Variants in SLC35A3 observed in about 807,000 individuals in gnomAD.
SLC35A3 encodes solute carrier family 35 member A3, also known as UDP-N-acetylglucosamine transporter.
In SLC35A3, 26 loss-of-function variants were observed where a neutral mutation model predicts 39.0. That is an observed-to-expected ratio of 0.67 (90% CI 0.49 to 0.92). The LOEUF (loss-of-function observed/expected upper bound fraction) is 0.92, where lower values mean the gene tolerates loss of function less well. Ranked by LOEUF, SLC35A3 falls within the 40% of genes least tolerant of loss-of-function variation. SLC35A3 has a pLI of 0.00. For missense variants in SLC35A3, 299 were observed against 371.6 expected, an observed-to-expected ratio of 0.80 and a Z score of 1.61; for synonymous variants, 135 against 133.1, an observed-to-expected ratio of 1.01 and a Z score of -0.10.
At chr1:99,974,536 G>T (rs1312587420) in intron 1 of SLC35A3, among the ~76,000 whole-genome samples, 1 of 151,942 alleles carries the variant, frequency 6.6e-6, no homozygotes, top group Non-Finnish European at 1.5e-5. Context: ...TATTATGTTG[G>T]CTTGGCTGGT....
In SLC35A3 at chr1:100,026,048, A is replaced by AT. The variant is rs1210640439; in HGVS notation, c.*3573dup. The AT allele has an allele frequency of 6.6e-6, 1 of 152,180 alleles. No homozygotes were observed. The highest frequency in any genetic ancestry group is 1.5e-5 in the Non-Finnish European group (1 of 67,992). The allele number at this position is 152,180 out of a possible 1,614,324, so 9.4% of individuals were successfully genotyped here. On this transcript the variant is annotated 3_prime_UTR_variant, in exon 8 of 8. Transcript: ENST00000533028. Reference sequence around the variant, plus strand: ...AAATGTTTACATCAATTTATATTGAATGTCACATAATTTCATGGAAGGAAA... The same window carrying AT: ...AAATGTTTACATCAATTTATATTGAATTGTCACATAATTTCATGGAAGGAAA...
At chr1:100,013,822 A>G (rs1659857619) in intron 5 of SLC35A3, among the ~76,000 whole-genome samples, 2 of 152,144 alleles carry the variant, frequency 1.3e-5, no homozygotes, top group Non-Finnish European at 2.9e-5. Flanking sequence ...GCTGACTTAA[A>G]TGGAATTTTA....
chr1:100,015,404 T>C lies in SLC35A3; in HGVS notation c.737T>C (p.Ile246Thr). ...FFQGYNRLTW[I>T]VVVLQALGGL... ...CAGGGATATAACCGACTGACCTGGA[T>C]AGTAGTTGTTCTTCAGGTAAAGCAT... Residue 246 changes from isoleucine (I) to threonine (T), a missense_variant, in exon 6 of 8, where the codon ATA becomes ACA. By Grantham distance (89) the Ile-to-Thr change is moderately conservative (BLOSUM62 -1). Transcript: ENST00000533028. 6.2e-7 allele frequency: 1 copy of C among 1,607,126 alleles called. No homozygotes were observed. The highest frequency in any genetic ancestry group is 8.5e-7 in the Non-Finnish European group (1 of 1,178,100).
At chr1:99,997,235 C>G (rs1486274139) in intron 2 of SLC35A3, among the ~76,000 whole-genome samples, 1 of 151,510 alleles carries the variant, frequency 6.6e-6, no homozygotes, top group Non-Finnish European at 1.5e-5. Context: ...TCAATGAGAA[C>G]CAAGAAGATA....
rs3820158 is a variant in SLC35A3 at position 100,018,860 on chromosome 1, A to G, written c.887+1045A>G. Among the ~76,000 whole-genome samples the G allele has an allele frequency of 5.3e-5, 8 of 152,322 alleles. No homozygotes were observed. In the East Asian group the frequency reaches 1.3e-3, roughly 26 times the overall value. On this transcript the variant is annotated intron_variant, in intron 7 of 7. Transcript: ENST00000533028. ...ATATAATATCCTTTTTATATTTTTT[A>G]TATTGAACATTGACGGTTTTAATTC...
chr1:99,988,949 C>T lies in SLC35A3; in HGVS notation c.-18-4588C>T, dbSNP rs187714452. 8.4e-4 allele frequency among the ~76,000 whole-genome samples: 128 copies of T among 151,948 alleles called. 1 individual carries two copies. Among genetic ancestry groups the T allele is most frequent in the African/African-American group, 2.8e-3 (117 of 41,466 alleles). ...ACCCAGCTAATTATTTTTGTAGAGA[C>T]GGGATCTCAATATGTTGCCCAGGCT... On this transcript the variant is annotated intron_variant, in intron 1 of 7. Coordinates refer to ENST00000533028, the MANE Select transcript of SLC35A3 (RefSeq NM_012243.3).
rs1659270731 is a variant in SLC35A3 at position 100,006,907 on chromosome 1, C to T, written c.343-127C>T. ...TGGCATTAACTGAAGCTTTAGATTC[C>T]AGTTCCCAGCCAGATGCAACCACCA... On this transcript the variant is annotated intron_variant, in intron 3 of 7. Coordinates refer to ENST00000533028, the MANE Select transcript of SLC35A3 (RefSeq NM_012243.3). 4.6e-6 allele frequency: 5 copies of T among 1,097,214 alleles called. No homozygotes were observed. In the South Asian group the frequency reaches 9.3e-5, roughly 20 times the overall value. The allele number at this position is 1,097,214 out of a possible 1,614,324, so 68.0% of individuals were successfully genotyped here.
chr1:100,016,317 A>C (rs1264500089), intron 6 of SLC35A3, among the ~76,000 whole-genome samples: 1 of 145,750 alleles, frequency 6.9e-6, no homozygotes, highest in Non-Finnish European at 1.5e-5. Context: ...ACCCACCTTG[A>C]CCTCCCAAAG....
chr1:100,005,027 G>A (rs1404587542), intron 3 of SLC35A3, among the ~76,000 whole-genome samples: 2 of 152,202 alleles, frequency 1.3e-5, no homozygotes, highest in African/African-American at 4.8e-5. Flanking sequence ...AAAATGCTGG[G>A]ATTACAGGCA....
intron 5 of SLC35A3, among the ~76,000 whole-genome samples, chr1:100,012,967 T>C (rs1216866279): frequency 6.6e-6 from 1 of 152,192 alleles, no homozygotes; most frequent in Non-Finnish European, 1.5e-5. Flanking sequence ...TTTCTTCATC[T>C]ATAAAATAGA....
chr1:100,005,527 T>A (rs1445203031), intron 3 of SLC35A3, among the ~76,000 whole-genome samples: 1 of 152,128 alleles, frequency 6.6e-6, no homozygotes, highest in Non-Finnish European at 1.5e-5. Context: ...CTATTTAGGC[T>A]TTTTCATTCT....
chr1:99,972,733 C>G (rs908327510), intron 1 of SLC35A3, among the ~76,000 whole-genome samples: 2 of 152,264 alleles, frequency 1.3e-5, no homozygotes, highest in South Asian at 4.1e-4. Flanking sequence ...ATGAAACAGA[C>G]TGTTATTGTG....
intron 7 of SLC35A3, among the ~76,000 whole-genome samples, chr1:100,019,304 A>G (rs1191905128): frequency 6.6e-6 from 1 of 152,160 alleles, no homozygotes; most frequent in East Asian, 1.9e-4. Flanking sequence ...CCTGCCTGTA[A>G]ATTCACGTTT....
intron 1 of SLC35A3, 39 bp from the exon 2 acceptor site, chr1:99,993,498 G>A (rs778973440): frequency 6.4e-7 from 1 of 1,557,326 alleles, no homozygotes; most frequent in Non-Finnish European, 8.8e-7. Flanking sequence ...TTCATATGTT[G>A]TAATCTTATT....
intron 4 of SLC35A3, among the ~76,000 whole-genome samples, chr1:100,009,913 G>T (rs985073059): frequency 1.3e-5 from 2 of 152,262 alleles, no homozygotes; most frequent in South Asian, 2.1e-4. Flanking sequence ...GAAAATCTTG[G>T]ACTTGAGCTC....
At chr1:99,974,325 A>G (rs1350389771) in intron 1 of SLC35A3, among the ~76,000 whole-genome samples, 3 of 152,200 alleles carry the variant, frequency 2.0e-5, no homozygotes, top group Non-Finnish European at 4.4e-5. Context: ...TACAAAATAC[A>G]TACTATTACT....
At position 99,999,060 on chromosome 1, in the gene SLC35A3, A is replaced by G. The variant is rs534202490; in HGVS notation, c.188-201A>G. Among the ~76,000 whole-genome samples, 4 of 152,286 alleles carry G rather than the reference A, an allele frequency of 2.6e-5. No individual in the cohort carries two copies. In the South Asian group the frequency reaches 8.3e-4, roughly 32 times the overall value. On this transcript the variant is annotated intron_variant, in intron 2 of 7. Transcript: ENST00000533028. ...GATACATTTGATTATATATCAGAAT[A>G]AAAGAATATGATTTCTTAATACATT...
chr1:99,973,520 A>G (rs1345028450), intron 1 of SLC35A3, among the ~76,000 whole-genome samples: 2 of 152,206 alleles, frequency 1.3e-5, no homozygotes, highest in African/African-American at 4.8e-5. Flanking sequence ...TGTGAAAATG[A>G]CTTTAGAAGC....
chr1:99,998,155 C>CTT (rs544309699), intron 2 of SLC35A3, among the ~76,000 whole-genome samples: 4,133 of 133,672 alleles, frequency 0.031, 247 homozygotes, highest in African/African-American at 0.11. Flanking sequence ...AGTCACATTT[C>CTT]TTTTTTTTTT....
Sources: allele counts gnomAD v4.1 joint callset (sites outside exome capture counted in the v4.1 genomes callset), GRCh38; gene constraint gnomAD v4.1.1; transcripts MANE v1.5; gene names NCBI Gene and HGNC (gene_info 2026-07-23, HGNC 2026-07-21).